Variants in NOVA1 observed in about 807,000 individuals in gnomAD.
NOVA1 encodes the protein RNA-binding protein Nova-1.
In NOVA1, 7 loss-of-function variants were observed where a neutral mutation model predicts 38.0. The observed-to-expected ratio is 0.18, with a 90% CI of 0.10 to 0.35. NOVA1 has a LOEUF of 0.35. NOVA1 is among the 10% of genes least tolerant of loss of function. The pLI is 1.00. For synonymous variants in NOVA1, 270 were observed against 232.5 expected (o/e 1.16, Z -1.47); for missense variants, 460 against 616.0 (o/e 0.75, Z 2.68).
At chr14:26,562,581 G>A (rs771298910) in intron 2 of NOVA1, among the ~76,000 whole-genome samples, 11 of 151,996 alleles carry the variant, frequency 7.2e-5, no homozygotes, top group Non-Finnish European at 1.5e-4. Flanking sequence ...CATCGTTTTG[G>A]AAAATGAAAA....
chr14:26,504,299 G>A (rs1193470740), intron 2 of NOVA1, among the ~76,000 whole-genome samples: 1 of 152,064 alleles, frequency 6.6e-6, no homozygotes, highest in African/African-American at 2.4e-5. Context: ...TATACTTAAC[G>A]TGTCTATTTC....
rs547277237 is a variant in NOVA1, at chr14:26,487,700, G to T, written c.281-7557C>A. On this transcript the variant is annotated intron_variant, in intron 2 of 4. Transcript: ENST00000539517. ...TAAGAAAATCGCATATGTTTCAGTTGATTGTGGAAAAATTATTTTCATGTA... is the reference window on the plus strand; with the variant it reads ...TAAGAAAATCGCATATGTTTCAGTTTATTGTGGAAAAATTATTTTCATGTA... 3.9e-5 allele frequency among the ~76,000 whole-genome samples: 6 copies of T among 152,250 alleles called. No individual in the cohort carries two copies. The South Asian group carries it at 1.0e-3, about 26-fold the overall frequency.
At chr14:26,517,569 T>C (rs1289165769) in intron 2 of NOVA1, among the ~76,000 whole-genome samples, 2 of 152,196 alleles carry the variant, frequency 1.3e-5, no homozygotes, top group African/African-American at 4.8e-5. Context: ...CTGTATAATA[T>C]AGTAGATAGA....
intron 2 of NOVA1, among the ~76,000 whole-genome samples, chr14:26,497,341 G>A (rs1023219589): frequency 2.0e-5 from 3 of 152,250 alleles, no homozygotes; most frequent in Non-Finnish European, 4.4e-5. Context: ...TGGGTAGGAA[G>A]AATCAATATC....
At chr14:26,463,595 G>T (rs1230529892) in intron 4 of NOVA1, among the ~76,000 whole-genome samples, 1 of 152,200 alleles carries the variant, frequency 6.6e-6, no homozygotes, top group Non-Finnish European at 1.5e-5. Context: ...ATGTGTTCAA[G>T]ATATTTTTTC....
intron 2 of NOVA1, among the ~76,000 whole-genome samples, chr14:26,505,895 C>G (rs906379472): frequency 3.3e-5 from 5 of 151,942 alleles, no homozygotes; most frequent in Non-Finnish European, 5.9e-5. Flanking sequence ...TTTAGAAAAA[C>G]AGGATTGAAA....
At chr14:26,476,056 T>C (rs937371017) in intron 3 of NOVA1, among the ~76,000 whole-genome samples, 2 of 152,202 alleles carry the variant, frequency 1.3e-5, no homozygotes, top group African/African-American at 4.8e-5. Flanking sequence ...TCCCCTATTT[T>C]GAGTTCTGTT....
At chr14:26,583,328 T>C (rs1893330859) in intron 2 of NOVA1, among the ~76,000 whole-genome samples, 2 of 151,722 alleles carry the variant, frequency 1.3e-5, no homozygotes, top group Non-Finnish European at 3.0e-5. Context: ...TTTCTCACTT[T>C]ATAAACAAAT....
At chr14:26,578,741 C>T (rs1594571658) in intron 2 of NOVA1, among the ~76,000 whole-genome samples, 2 of 152,020 alleles carry the variant, frequency 1.3e-5, no homozygotes, top group African/African-American at 4.8e-5. Flanking sequence ...AAAAATATTA[C>T]AAATGAGAAG....
intron 2 of NOVA1, among the ~76,000 whole-genome samples, chr14:26,576,387 A>G (rs190811704): frequency 1.3e-4 from 19 of 151,482 alleles, no homozygotes; most frequent in Non-Finnish European, 2.1e-4. Flanking sequence ...AACCAGAATA[A>G]TTTTTACGGA....
intron 2 of NOVA1, among the ~76,000 whole-genome samples, chr14:26,492,513 T>C (rs568514886): frequency 6.6e-6 from 1 of 152,194 alleles, no homozygotes; most frequent in East Asian, 1.9e-4. Context: ...CCTTTTACCA[T>C]TTTAACAAAA....
chr14:26,572,416 T>A (rs1892535539), intron 2 of NOVA1, among the ~76,000 whole-genome samples: 1 of 152,148 alleles, frequency 6.6e-6, no homozygotes, highest in African/African-American at 2.4e-5. Flanking sequence ...AGAATACATT[T>A]TTTGACACTG....
At chr14:26,495,327 T>C (rs185184731) in intron 2 of NOVA1, among the ~76,000 whole-genome samples, 1 of 152,324 alleles carries the variant, frequency 6.6e-6, no homozygotes, top group African/African-American at 2.4e-5. Context: ...GCTTACTTCA[T>C]TGTTTGCCTC....
chr14:26,479,917 T>C (rs1439918779), intron 3 of NOVA1, 60 bp downstream of exon 3: 9 of 1,539,466 alleles, frequency 5.8e-6, no homozygotes, highest in East Asian at 4.5e-5. Context: ...AGGCTTCTTT[T>C]GTAAGGAACT....
intron 3 of NOVA1, among the ~76,000 whole-genome samples, chr14:26,473,820 CA>C (rs1166113659): frequency 2.0e-5 from 3 of 151,680 alleles, no homozygotes; most frequent in East Asian, 3.9e-4. Flanking sequence ...CCAAATCATA[CA>C]AAAAAGGGGT....
intron 2 of NOVA1, among the ~76,000 whole-genome samples, chr14:26,494,305 C>CT (rs1886591617): frequency 6.6e-6 from 1 of 152,168 alleles, no homozygotes; most frequent in Non-Finnish European, 1.5e-5. Flanking sequence ...AAGCTGTTGT[C>CT]TTTCTCTTCT....
intron 2 of NOVA1, among the ~76,000 whole-genome samples, chr14:26,570,322 G>C (rs1403165361): frequency 6.6e-6 from 1 of 151,940 alleles, no homozygotes; most frequent in Non-Finnish European, 1.5e-5. Context: ...ACTCCAGCCT[G>C]GGCAACGGAG....
intron 2 of NOVA1, among the ~76,000 whole-genome samples, chr14:26,571,817 GT>G (rs1892497374): frequency 6.6e-6 from 1 of 152,186 alleles, no homozygotes; most frequent in South Asian, 2.1e-4. Flanking sequence ...TACAAGCCTA[GT>G]TAAGTAAAAA....
intron 2 of NOVA1, among the ~76,000 whole-genome samples, chr14:26,560,881 G>A (rs1891778376): frequency 1.3e-5 from 2 of 152,020 alleles, no homozygotes; most frequent in African/African-American, 4.8e-5. Context: ...TATTATTACT[G>A]CTGCTGCTTT....
Sources: allele counts gnomAD v4.1 joint callset (sites outside exome capture counted in the v4.1 genomes callset), GRCh38; gene constraint gnomAD v4.1.1; transcripts MANE v1.5; gene names NCBI Gene and HGNC (gene_info 2026-07-23, HGNC 2026-07-21).